TAFA5: variants seen among roughly 807,000 people sequenced by gnomAD.
The protein encoded by TAFA5 is chemokine-like protein TAFA-5.
Under a neutral mutation model 15.3 loss-of-function variants are expected in TAFA5, and 6 were observed. That is an observed-to-expected ratio of 0.39 (90% CI 0.21 to 0.77). TAFA5 has a LOEUF of 0.77. TAFA5 is among the 30% of genes least tolerant of loss of function. The pLI is 0.41. For missense variants in TAFA5, 161 were observed against 193.1 expected, an observed-to-expected ratio of 0.83 and a Z score of 0.98; for synonymous variants, 103 against 80.7, an observed-to-expected ratio of 1.28 and a Z score of -1.48.
chr22:48,666,503 A>ATGACCAGCCGATACTGAGGCCCG, intron 2 of TAFA5, among the ~76,000 whole-genome samples: 1 of 149,620 alleles, frequency 6.7e-6, no homozygotes, highest in Non-Finnish European at 1.5e-5. Flanking sequence ...ACTGAGGCCC[A>ATGACCAGCCGATACTGAGGCCCG]TGACCAGGCG....
At chr22:48,493,036 C>A (rs1467020774) in intron 1 of TAFA5, among the ~76,000 whole-genome samples, 1 of 152,204 alleles carries the variant, frequency 6.6e-6, no homozygotes, top group African/African-American at 2.4e-5. Flanking sequence ...AAGATGTGAT[C>A]TTTCCACCCT....
intron 3 of TAFA5, among the ~76,000 whole-genome samples, chr22:48,721,976 GAA>G (rs130177): frequency 8.0e-5 from 12 of 150,142 alleles, no homozygotes; most frequent in Non-Finnish European, 1.6e-4. Flanking sequence ...AACTCTGTCT[GAA>G]AAAAAAAAAT....
chr22:48,656,059 G>C (rs1270810606), intron 2 of TAFA5, among the ~76,000 whole-genome samples: 1 of 151,396 alleles, frequency 6.6e-6, no homozygotes, highest in Admixed American at 6.6e-5. Flanking sequence ...GGCCAGGCTG[G>C]TGTTGAACTC....
intron 2 of TAFA5, among the ~76,000 whole-genome samples, chr22:48,655,834 T>G (rs1037442082): frequency 9.1e-6 from 1 of 109,990 alleles, no homozygotes; most frequent in Non-Finnish European, 2.0e-5. Context: ...CTGATTCTTT[T>G]TTTTTTTTTT....
chr22:48,574,376 G>A (rs1923688434), intron 1 of TAFA5, among the ~76,000 whole-genome samples: 1 of 152,194 alleles, frequency 6.6e-6, no homozygotes. Context: ...CCGCGAGCCA[G>A]GTCAGGCAGA....
rs1370585234 is a variant in TAFA5, at chr22:48,723,928, CATGCCCGATTAGAATCCAGCAT to C, written c.390+16085_390+16106del. ...CTTCCAGAGTATCCTGGAATGTCTA[CATGCCCGATTAGAATCCAGCAT>C]TAGAATGAAGTCAGACTCTCAGCCT... On this transcript the variant is annotated intron_variant, in intron 3 of 3. Transcript: ENST00000402357. 5.6e-4 allele frequency among the ~76,000 whole-genome samples: 85 copies of C among 152,358 alleles called. 1 individual carries two copies. The highest frequency in any genetic ancestry group is 5.9e-5 in the Non-Finnish European group (4 of 68,042).
chr22:48,670,296 G>C (rs115810147), intron 2 of TAFA5, among the ~76,000 whole-genome samples: 1 of 152,218 alleles, frequency 6.6e-6, no homozygotes, highest in Non-Finnish European at 1.5e-5. Context: ...TCTAGGCCAC[G>C]ATTCCTCTGA....
At chr22:48,655,730 A>G (rs1601647361) in intron 2 of TAFA5, among the ~76,000 whole-genome samples, 1 of 151,706 alleles carries the variant, frequency 6.6e-6, no homozygotes, top group African/African-American at 2.4e-5. Context: ...GGCCTCAAGC[A>G]GGTCCCCTGA....
At chr22:48,528,892 C>T (rs1214405002) in intron 1 of TAFA5, among the ~76,000 whole-genome samples, 2 of 152,134 alleles carry the variant, frequency 1.3e-5, no homozygotes, top group Non-Finnish European at 2.9e-5. Flanking sequence ...GAGACACAGT[C>T]CCATTGTAAC....
chr22:48,684,986 G>T (rs191451700), intron 2 of TAFA5, among the ~76,000 whole-genome samples: 2 of 152,210 alleles, frequency 1.3e-5, no homozygotes, highest in East Asian at 3.9e-4. Context: ...GGAAGACCAC[G>T]TGTGCCTGAG....
At chr22:48,611,726 A>G (rs774917044) in intron 1 of TAFA5, among the ~76,000 whole-genome samples, 1 of 150,034 alleles carries the variant, frequency 6.7e-6, no homozygotes, top group Non-Finnish European at 1.5e-5. Flanking sequence ...TCTTCCTTCC[A>G]CCTCCTTCCT....
chr22:48,491,979 C>G (rs530708606), intron 1 of TAFA5, among the ~76,000 whole-genome samples: 2 of 152,168 alleles, frequency 1.3e-5, no homozygotes, highest in Non-Finnish European at 2.9e-5. Flanking sequence ...ATGGCTGTTT[C>G]CATCTCCATG....
chr22:48,677,640 C>G (rs761118857), intron 2 of TAFA5, among the ~76,000 whole-genome samples: 4 of 152,212 alleles, frequency 2.6e-5, no homozygotes, highest in Non-Finnish European at 5.9e-5. Flanking sequence ...TTCTCCTCCC[C>G]GAGGCCTCCC....
intron 2 of TAFA5, among the ~76,000 whole-genome samples, chr22:48,649,231 T>C (rs1233965030): frequency 6.6e-6 from 1 of 152,220 alleles, no homozygotes; most frequent in African/African-American, 2.4e-5. Flanking sequence ...TCAGGTGGGA[T>C]ACCCAGGAAG....
chr22:48,726,299 A>G (rs974076793), intron 3 of TAFA5, among the ~76,000 whole-genome samples: 2 of 152,380 alleles, frequency 1.3e-5, no homozygotes, highest in African/African-American at 4.8e-5. Flanking sequence ...TGCGGATGGC[A>G]TCAGGTTCAA....
intron 1 of TAFA5, among the ~76,000 whole-genome samples, chr22:48,580,642 G>A (rs1924001358): frequency 6.6e-6 from 1 of 152,310 alleles, no homozygotes; most frequent in Non-Finnish European, 1.5e-5. Flanking sequence ...CGGTGGAGGA[G>A]GAACTCACTG....
chr22:48,673,964 G>A (rs16999686), intron 2 of TAFA5, among the ~76,000 whole-genome samples: 37,341 of 151,746 alleles, frequency 0.25, 4,698 homozygotes, highest in South Asian at 0.32. Context: ...GTGAGGGCCC[G>A]TTCTGCCCCA....
chr22:48,511,843 C>T (rs1162101018), intron 1 of TAFA5, among the ~76,000 whole-genome samples: 2 of 152,246 alleles, frequency 1.3e-5, no homozygotes, highest in African/African-American at 2.4e-5. Flanking sequence ...CTGGTGCGTC[C>T]CCCGAAGCCG....
chr22:48,529,939 C>G (rs62223631), intron 1 of TAFA5, among the ~76,000 whole-genome samples: 13 of 151,454 alleles, frequency 8.6e-5, no homozygotes, highest in South Asian at 2.1e-4. Flanking sequence ...CTGGGACAAC[C>G]CTTCTCCCTT....
Sources: allele counts gnomAD v4.1 joint callset (sites outside exome capture counted in the v4.1 genomes callset), GRCh38; gene constraint gnomAD v4.1.1; transcripts MANE v1.5; gene names NCBI Gene and HGNC (gene_info 2026-07-23, HGNC 2026-07-21).